CEP152: variants seen among roughly 807,000 people sequenced by gnomAD.
CEP152 encodes the protein centrosomal protein of 152 kDa.
In CEP152, 132 loss-of-function variants were observed where a neutral mutation model predicts 188.9. That is an observed-to-expected ratio of 0.70 (90% CI 0.61 to 0.81). The LOEUF is 0.81. Ranked by LOEUF, CEP152 falls within the 30% of genes least tolerant of loss-of-function variation. The pLI is 0.00. For missense variants in CEP152, 1,914 were observed against 1,969.8 expected (o/e 0.97, Z 0.54); for synonymous variants, 649 against 666.6 (o/e 0.97, Z 0.41).
intron 4 of CEP152, 32 bp from the exon 5 acceptor site, chr15:48,797,611 G>A (rs757687840): frequency 6.1e-5 from 99 of 1,613,802 alleles, no homozygotes; most frequent in Non-Finnish European, 8.1e-5. Context: ...ACAAAAGCAC[G>A]AAGATCCAGT....
At chr15:48,790,411 T>G (rs1242373231) in intron 8 of CEP152, among the ~76,000 whole-genome samples, 6 of 152,194 alleles carry the variant, frequency 3.9e-5, no homozygotes, top group African/African-American at 1.2e-4. Flanking sequence ...ATAAAGTGAA[T>G]AGCAAGTCCT....
At chr15:48,805,057 C>T (rs544934111) in intron 2 of CEP152, among the ~76,000 whole-genome samples, 1 of 152,336 alleles carries the variant, frequency 6.6e-6, no homozygotes, top group East Asian at 1.9e-4. Flanking sequence ...CCCACAGACC[C>T]TCCCTCACCA....
intron 15 of CEP152, 24 bp downstream of exon 15, chr15:48,768,195 G>A (rs768366255): frequency 2.7e-5 from 37 of 1,370,716 alleles, no homozygotes; most frequent in East Asian, 1.6e-4. Context: ...GGAGACAGTC[G>A]TCAGGCATCT....
At chr15:48,808,159 C>T (rs1043148845) in intron 1 of CEP152, among the ~76,000 whole-genome samples, 2 of 151,300 alleles carry the variant, frequency 1.3e-5, no homozygotes, top group Admixed American at 6.6e-5. Context: ...TTAAATGAGA[C>T]TTAAAATAAA....
Position 48,748,426 on chromosome 15 carries a change from C to A in CEP152, c.3634+17G>T. On this transcript the variant is annotated intron_variant, in intron 22 of 26. Transcript: ENST00000380950. Reference sequence around the variant, plus strand: ...AAAGAAATTCATATTGGTAGCAGTGCTACTTTAAATGCTAACCTCCAATTT... The same window carrying A: ...AAAGAAATTCATATTGGTAGCAGTGATACTTTAAATGCTAACCTCCAATTT... 6.6e-7 allele frequency: 1 copy of A among 1,517,576 alleles called. No individual in the cohort carries two copies. The highest frequency in any genetic ancestry group is 8.8e-7 in the Non-Finnish European group (1 of 1,137,992). 94.0% of individuals were successfully genotyped at this position (1,517,576 alleles called of 1,614,324 possible). A position where few individuals can be genotyped will look rare whatever the true frequency, so the allele number is the denominator to read the frequency against.
In CEP152 at chr15:48,748,501, G is replaced by A. The variant is rs1481738264; in HGVS notation, c.3576C>T (p.Cys1192=). The part of the protein sequence containing the change: ...CQDLKGKLEK[C]CRHLQHLERK... ...TTTCTAAATGCTGAAGATGCCTACA[G>A]CATTTCTCCAGTTTTCCTTTCAGAT... Residue 1192 remains cysteine (C), a synonymous_variant, in exon 22 of 27, where the codon TGC becomes TGT. Transcript: ENST00000380950. 1.3e-6 allele frequency: 2 copies of A among 1,534,584 alleles called. No homozygotes were observed. The highest frequency in any genetic ancestry group is 2.7e-5 in the African/African-American group (2 of 72,880).
Position 48,738,889 on chromosome 15 carries a change from AAG to A in CEP152, c.4491_4492del (p.Phe1498SerfsTer7). ...GGGTTTATTTCCTAAGGTTCCAAGA[AAG>A]GGGTATGCAGCTGAATGCGGAAGTG... On this transcript the variant is annotated frameshift_variant, in exon 27 of 27. Coordinates refer to ENST00000380950, the MANE Select transcript of CEP152 (RefSeq NM_001194998.2). LOFTEE classifies it low-confidence loss of function (END_TRUNC). 6.2e-7 allele frequency: 1 copy of A among 1,614,204 alleles called. No individual in the cohort carries two copies. The highest frequency in any genetic ancestry group is 1.6e-4 in the Middle Eastern group (1 of 6,062).
At chr15:48,746,916 T>C (rs1893479970) in intron 22 of CEP152, among the ~76,000 whole-genome samples, 1 of 152,104 alleles carries the variant, frequency 6.6e-6, no homozygotes, top group South Asian at 2.1e-4. Context: ...GCCAGCCAAA[T>C]GAGATCAGGA....
At chr15:48,798,261 CTTT>C (rs71120641) in intron 2 of CEP152, among the ~76,000 whole-genome samples, 2 of 145,550 alleles carry the variant, frequency 1.4e-5, no homozygotes, top group South Asian at 2.2e-4. Context: ...TATCAGAAGG[CTTT>C]TTTTTTTTTT....
At position 48,738,884 on chromosome 15, in the gene CEP152, C is replaced by A; in HGVS notation, c.4498G>T (p.Gly1500Ter). 1 of 1,614,158 alleles carries A rather than the reference C, an allele frequency of 6.2e-7. No individual in the cohort carries two copies. Among genetic ancestry groups the A allele is most frequent in the Admixed American group, 1.7e-5 (1 of 60,010 alleles). Residue 1500 changes from glycine (G) to a stop codon, truncating the protein, a stop_gained, in exon 27 of 27, where the codon GGA (glycine) becomes TGA (stop). Coordinates refer to ENST00000380950, the MANE Select transcript of CEP152 (RefSeq NM_001194998.2). LOFTEE classifies it low-confidence loss of function (END_TRUNC). ...GGTGAGGGTTTATTTCCTAAGGTTC[C>A]AAGAAAGGGGTATGCAGCTGAATGC... Reference protein sequence around the residue: ...LPHSAAYPFLGTLGNKPSPRC... With the variant: ...LPHSAAYPFL
At chr15:48,741,569 G>T in intron 26 of CEP152, 32 bp downstream of exon 26, 1 of 1,613,858 alleles carries the variant, frequency 6.2e-7, no homozygotes, top group South Asian at 1.1e-5. Context: ...AGAAAAGATA[G>T]AAAAACCATT....
Position 48,748,521 on chromosome 15 carries a change from T to C in CEP152, c.3556A>G (p.Lys1186Glu). 2 of 1,535,306 alleles carry C rather than the reference T, an allele frequency of 1.3e-6. No individual in the cohort carries two copies. The highest frequency in any genetic ancestry group is 1.7e-6 in the Non-Finnish European group (2 of 1,146,434). ...EKAKQECQDL[K>E]GKLEKCCRHL... is the part of the protein sequence containing the mutation. ...CTACAGCATTTCTCCAGTTTTCCTTTCAGATCTTGACATTCCTGCTTTGCC... is the reference window on the plus strand; with the variant it reads ...CTACAGCATTTCTCCAGTTTTCCTTCCAGATCTTGACATTCCTGCTTTGCC... The change falls in exon 22 of 27, where the codon AAA (lysine) becomes GAA (glutamate). Residue 1186 changes from lysine (K) to glutamate (E), a missense_variant. Lys to Glu is a moderately conservative substitution (Grantham distance 56, BLOSUM62 1). Coordinates refer to ENST00000380950, the MANE Select transcript of CEP152 (RefSeq NM_001194998.2).
downstream of CEP152, among the ~76,000 whole-genome samples, chr15:48,734,160 T>C (rs559131945): frequency 1.3e-5 from 2 of 151,722 alleles, no homozygotes; most frequent in Non-Finnish European, 2.9e-5. Context: ...CATATTGCTT[T>C]ATTGTATAAA....
Position 48,755,945 on chromosome 15 carries a change from T to G in CEP152, c.3303A>C (p.Thr1101=), listed in dbSNP as rs1270944062. The change falls in exon 20 of 27, where the codon ACA becomes ACC. Residue 1101 remains threonine (T), a synonymous_variant. Coordinates refer to ENST00000380950, the MANE Select transcript of CEP152 (RefSeq NM_001194998.2). ...KGCIQKAFQD[T]LPLLVENADP... The stretch of plus-strand genomic sequence containing the variant: ...CAGCGTTTTCTACAAGCAGAGGAAG[T>G]GTATCTTGAAATGCTTTCTGTATGC... The G allele has an allele frequency of 9.3e-6, 15 of 1,613,908 alleles. No homozygotes were observed. The East Asian group carries it at 3.3e-4, about 36-fold the overall frequency.
chr15:48,742,012 G>A lies in CEP152; in HGVS notation c.3924C>T (p.Ala1308=). Reference sequence around the variant, plus strand: ...TCAAATAATATTTGCGCATCTTTCGGGCGGTTTCTTGACGTTCTCGCAGTA... The same window carrying A: ...TCAAATAATATTTGCGCATCTTTCGAGCGGTTTCTTGACGTTCTCGCAGTA... ...AEVLRERQET[A]RKMRKYYLIC... is the part of the protein sequence containing the mutation. Residue 1308 remains alanine (A), a synonymous_variant, in exon 25 of 27, where the codon GCC becomes GCT. Transcript: ENST00000380950. 6.2e-7 allele frequency: 1 copy of A among 1,614,044 alleles called. No homozygotes were observed. Among genetic ancestry groups the A allele is most frequent in the Non-Finnish European group, 8.5e-7 (1 of 1,179,996 alleles).
rs768536490 is a variant in CEP152 at position 48,782,233 on chromosome 15, G to A, written c.1322-3C>T. 6.8e-6 allele frequency: 11 copies of A among 1,613,270 alleles called. No individual in the cohort carries two copies. The highest frequency in any genetic ancestry group is 3.3e-5 in the Admixed American group (2 of 60,000). On this transcript the variant is annotated splice_polypyrimidine_tract_variant and splice_region_variant and intron_variant, in intron 10 of 26. Coordinates refer to ENST00000380950, the MANE Select transcript of CEP152 (RefSeq NM_001194998.2). ...CTGAGCCACCTCTTGTACTGACCCT[G>A]CAGAGGAAAGAACCATAGGATATAC...
chr15:48,807,081 C>T (rs971613795), intron 1 of CEP152, among the ~76,000 whole-genome samples: 4 of 152,162 alleles, frequency 2.6e-5, no homozygotes, highest in Non-Finnish European at 5.9e-5. Context: ...ACACCCAACC[C>T]GTCCCTTTAA....
intron 18 of CEP152, among the ~76,000 whole-genome samples, chr15:48,761,617 T>C (rs1412586921): frequency 6.6e-6 from 1 of 152,200 alleles, no homozygotes; most frequent in Non-Finnish European, 1.5e-5. Context: ...CAGTGGAATG[T>C]GTGCTTGGGT....
At chr15:48,735,750 T>C (rs1677247), downstream of CEP152, among the ~76,000 whole-genome samples, 1 of 150,924 alleles carries the variant, frequency 6.6e-6, no homozygotes, top group Non-Finnish European at 1.5e-5. Flanking sequence ...AAATAAATTT[T>C]AAAAAAAAGA....
Sources: gnomAD v4.1 joint callset for allele counts (sites outside exome capture counted in the v4.1 genomes callset) on GRCh38, gnomAD v4.1.1 for gene constraint, MANE v1.5 for transcripts, NCBI Gene and HGNC (gene_info 2026-07-23, HGNC 2026-07-21) for gene names.